Variants in RPL22L1 observed in about 807,000 individuals in gnomAD.
The protein encoded by RPL22L1 is ribosomal protein eL22-like.
RPL22L1 carries 19 observed loss-of-function variants against 17.3 expected under a neutral mutation model. The observed-to-expected ratio is 1.10, with a 90% CI of 0.77 to 1.61. The LOEUF (loss-of-function observed/expected upper bound fraction) is 1.61, where lower values mean the gene tolerates loss of function less well. Ranked by LOEUF, RPL22L1 falls within the 40% of genes most tolerant of loss-of-function variation. The probability of loss-of-function intolerance (pLI) is 0.00; values close to 1 mark genes in which losing one functional copy is unlikely to be tolerated. For missense variants in RPL22L1, 139 were observed against 144.4 expected (o/e 0.96, Z 0.19); for synonymous variants, 48 against 48.5 (o/e 0.99, Z 0.05).
Position 170,868,076 on chromosome 3 carries a change from A to G in RPL22L1, c.161T>C (p.Val54Ala), listed in dbSNP as rs755234441. 1.2e-6 allele frequency: 2 copies of G among 1,605,822 alleles called. No individual in the cohort carries two copies. Among genetic ancestry groups the G allele is most frequent in the East Asian group, 4.5e-5 (2 of 44,738 alleles). Residue 54 changes from valine (V) to alanine (A), a missense_variant, in exon 3 of 4, where the codon GTT (valine) becomes GCT (alanine). Coordinates refer to ENST00000295830, the MANE Select transcript of RPL22L1 (RefSeq NM_001099645.2). ...ATTCTTGAAGCGTTCAATGTGAACAACATTCCCGAGATTTCCAGTTTTGCC... is the reference window on the plus strand; with the variant it reads ...ATTCTTGAAGCGTTCAATGTGAACAGCATTCCCGAGATTTCCAGTTTTGCC... ...VNGKTGNLGN[V>A]VHIERFKNKI...
At position 170,866,409 on chromosome 3, in the gene RPL22L1, C is replaced by G; in HGVS notation, c.340G>C (p.Asp114His). Residue 114 changes from aspartate to histidine, a missense_variant, in exon 4 of 4, where the codon GAT becomes CAT. By Grantham distance (81) the Asp-to-His change is moderately conservative (BLOSUM62 -1). Coordinates refer to ENST00000295830, the MANE Select transcript of RPL22L1 (RefSeq NM_001099645.2). ...TCCTCCGACTCTGATTCATCTTCAT[C>G]TTGACTAATCTGGAAGTAACGAAGT... ...YELRYFQISQ[D>H]EDESESED The G allele has an allele frequency of 6.2e-7, 1 of 1,606,886 alleles. No individual in the cohort carries two copies. Among genetic ancestry groups the G allele is most frequent in the South Asian group, 1.1e-5 (1 of 89,426 alleles).
At position 170,866,650 on chromosome 3, in the gene RPL22L1, T is replaced by C. The variant is rs996011184; in HGVS notation, c.225-126A>G. 27 of 654,036 alleles carry C rather than the reference T, an allele frequency of 4.1e-5. No homozygotes were observed. In the African/African-American group the frequency reaches 4.9e-4, roughly 12 times the overall value. The allele number at this position is 654,036 out of a possible 1,614,324, so 40.5% of individuals were successfully genotyped here. ...ACCTAGCTTCCTCCAAAATATTTCA[T>C]CCTTCCATTCACAGGATGTATTGTG... On this transcript the variant is annotated intron_variant, in intron 3 of 3. Coordinates refer to ENST00000295830, the MANE Select transcript of RPL22L1 (RefSeq NM_001099645.2).
chr3:170,870,135 C>A (rs1482787500), intron 1 of RPL22L1, 24 bp downstream of exon 1: 3 of 1,613,978 alleles, frequency 1.9e-6, no homozygotes, highest in Non-Finnish European at 8.5e-7. Context: ...ACACAACACT[C>A]CCACCAAGAC....
Position 170,866,215 on chromosome 3 carries a change from G to C in RPL22L1, c.*165C>G. 1 of 536,090 alleles carries C rather than the reference G, an allele frequency of 1.9e-6. No homozygotes were observed. The highest frequency in any genetic ancestry group is 3.2e-6 in the Non-Finnish European group (1 of 312,644). 33.2% of individuals were successfully genotyped at this position (536,090 alleles called of 1,614,324 possible). On this transcript the variant is annotated 3_prime_UTR_variant, in exon 4 of 4. Coordinates refer to ENST00000295830, the MANE Select transcript of RPL22L1 (RefSeq NM_001099645.2). ...TTAAATACTGTTGATAGTTATCAGA[G>C]GGAAATCAAAATCATATAAACAGCA...
chr3:170,869,687 C>G (rs919592944), intron 1 of RPL22L1, among the ~76,000 whole-genome samples: 1 of 152,086 alleles, frequency 6.6e-6, no homozygotes, highest in Middle Eastern at 3.2e-3. Flanking sequence ...ACTTCTTCCC[C>G]AACTGAAAGT....
At chr3:170,866,966 GCT>G (rs1036439133) in intron 3 of RPL22L1, among the ~76,000 whole-genome samples, 16 of 152,006 alleles carry the variant, frequency 1.1e-4, no homozygotes, top group Non-Finnish European at 1.8e-4. Context: ...AAATTCTTGG[GCT>G]CTCTCTACAT....
chr3:170,869,692 G>T (rs931094325), intron 1 of RPL22L1, among the ~76,000 whole-genome samples: 1 of 151,882 alleles, frequency 6.6e-6, no homozygotes, highest in Non-Finnish European at 1.5e-5. Flanking sequence ...TTCCCCAACT[G>T]AAAGTTCTCA....
rs960228227 is a variant in RPL22L1 at position 170,865,286 on chromosome 3, A to T, written c.*1094T>A. 1 of 152,250 alleles carries T rather than the reference A, an allele frequency of 6.6e-6. No homozygotes were observed. Among genetic ancestry groups the T allele is most frequent in the African/African-American group, 2.4e-5 (1 of 41,464 alleles). 9.4% of individuals were successfully genotyped at this position (152,250 alleles called of 1,614,324 possible). On this transcript the variant is annotated 3_prime_UTR_variant, in exon 4 of 4. Transcript: ENST00000295830. ...ACTGTCCAGATATGTTTGGCGACACAATTCTATTAGCATCAAGACTCATCT... is the reference window on the plus strand; with the variant it reads ...ACTGTCCAGATATGTTTGGCGACACTATTCTATTAGCATCAAGACTCATCT...
intron 3 of RPL22L1, among the ~76,000 whole-genome samples, chr3:170,866,862 C>T (rs1296175224): frequency 1.3e-5 from 2 of 152,114 alleles, no homozygotes; most frequent in East Asian, 3.8e-4. Context: ...CACTATCAAG[C>T]CCCCTAGCTC....
chr3:170,866,551 T>C, intron 3 of RPL22L1, 27 bp from the exon 4 acceptor site: 1 of 1,486,946 alleles, frequency 6.7e-7, no homozygotes. Context: ...ATAAATTTCA[T>C]TAAGAAATAC....
chr3:170,869,838 A>T (rs1711924575), intron 1 of RPL22L1: 1 of 473,952 alleles, frequency 2.1e-6, no homozygotes, highest in African/African-American at 2.0e-5. Flanking sequence ...ATCAGGCGCG[A>T]GATAGTAAAG....
chr3:170,866,495 A>G lies in RPL22L1; in HGVS notation c.254T>C (p.Leu85Pro), dbSNP rs753586363. The G allele has an allele frequency of 2.6e-6, 4 of 1,564,590 alleles. No homozygotes were observed. In the East Asian group the frequency reaches 9.4e-5, roughly 37 times the overall value. ...CCAATCACGAAGATTGTTCTTCTTAAGGTATTTCTTGGTAAGGTATTTCAA... is the reference window on the plus strand; with the variant it reads ...CCAATCACGAAGATTGTTCTTCTTAGGGTATTTCTTGGTAAGGTATTTCAA... ...RYLKYLTKKYLKKNNLRDWLR... is the reference protein window; with the variant it reads ...RYLKYLTKKYPKKNNLRDWLR... The change falls in exon 4 of 4, where the codon CTT (leucine) becomes CCT (proline). Residue 85 changes from leucine to proline, a missense_variant. Transcript: ENST00000295830.
chr3:170,868,401 G>C lies in RPL22L1; in HGVS notation c.10-11C>G, dbSNP rs1711853900. On this transcript the variant is annotated splice_polypyrimidine_tract_variant and intron_variant, in intron 1 of 3. Transcript: ENST00000295830. ...CTTCCTGTCTTTCTGCTACATAAAT[G>C]AGAAATAATTATGTAGCTATATAAA... 4 of 1,516,642 alleles carry C rather than the reference G, an allele frequency of 2.6e-6. No individual in the cohort carries two copies. In the East Asian group the frequency reaches 9.0e-5, roughly 34 times the overall value. 93.9% of individuals were successfully genotyped at this position (1,516,642 alleles called of 1,614,324 possible).
intron 3 of RPL22L1, 122 bp downstream of exon 3, chr3:170,867,891 A>T (rs925127808): frequency 1.3e-6 from 1 of 786,732 alleles, no homozygotes; most frequent in Non-Finnish European, 2.0e-6. Context: ...CCATTTATGT[A>T]GGCCTTTAGT....
chr3:170,866,591 G>A (rs1711777246), intron 3 of RPL22L1, 67 bp from the exon 4 acceptor site: 11 of 1,152,668 alleles, frequency 9.5e-6, no homozygotes, highest in South Asian at 4.5e-5. Flanking sequence ...TTTACTATAC[G>A]AAAAATATAC....
rs1711851221 is a variant in RPL22L1, at chr3:170,868,345, C to A, written c.55G>T (p.Asp19Tyr). The A allele has an allele frequency of 1.2e-6, 2 of 1,611,024 alleles. No homozygotes were observed. Among genetic ancestry groups the A allele is most frequent in the Non-Finnish European group, 1.7e-6 (2 of 1,178,940 alleles). ...PKRSTWRFNL[D>Y]LTHPVEDGIF... Reference sequence around the variant, plus strand: ...CCATCTTCTACTGGATGAGTAAGGTCCAAATTAAACCTCCAGGTTGACCTC... The same window carrying A: ...CCATCTTCTACTGGATGAGTAAGGTACAAATTAAACCTCCAGGTTGACCTC... The change falls in exon 2 of 4, where the codon GAC becomes TAC. Residue 19 changes from aspartate to tyrosine, a missense_variant. By Grantham distance (160) the Asp-to-Tyr change is radical (BLOSUM62 -3). Coordinates refer to ENST00000295830, the MANE Select transcript of RPL22L1 (RefSeq NM_001099645.2).
intron 1 of RPL22L1, 31 bp downstream of exon 1, chr3:170,870,128 C>T (rs199670825): frequency 6.2e-7 from 1 of 1,613,956 alleles, no homozygotes; most frequent in Admixed American, 1.7e-5. Context: ...AATTGCCACA[C>T]AACACTCCCA....
chr3:170,870,189 C>T lies in RPL22L1; in HGVS notation c.-22G>A. The T allele has an allele frequency of 6.2e-7, 1 of 1,613,898 alleles. No individual in the cohort carries two copies. ...CCATCTTGCGAGTCGGCCGCGAGAG[C>T]AGAGAGGAAGCTACGGCCGCGCGGT... On this transcript the variant is annotated 5_prime_UTR_variant, in exon 1 of 4. Transcript: ENST00000295830.
intron 3 of RPL22L1, among the ~76,000 whole-genome samples, chr3:170,867,262 AC>A (rs926389181): frequency 6.6e-6 from 1 of 152,154 alleles, no homozygotes; most frequent in Non-Finnish European, 1.5e-5. Context: ...TGCTCCCCAG[AC>A]ACCCTCCAAT....
Sources: gnomAD v4.1 joint callset for allele counts (sites outside exome capture counted in the v4.1 genomes callset) on GRCh38, gnomAD v4.1.1 for gene constraint, MANE v1.5 for transcripts, NCBI Gene and HGNC (gene_info 2026-07-23, HGNC 2026-07-21) for gene names.